Variants in OLAH observed in about 807,000 individuals in gnomAD.
The protein encoded by OLAH is oleoyl-ACP hydrolase.
A neutral mutation model predicts 27.8 loss-of-function variants in OLAH; 33 were observed. The observed-to-expected ratio is 1.19, with a 90% confidence interval of 0.90 to 1.59. The LOEUF is 1.59. Among genes scored for constraint, OLAH ranks in the 40% most tolerant of loss-of-function variants. The probability of loss-of-function intolerance (pLI) is 0.00; values close to 1 mark genes in which losing one functional copy is unlikely to be tolerated. For synonymous variants in OLAH, 120 were observed against 102.9 expected (o/e 1.17, Z -1.01); for missense variants, 359 against 310.8 (o/e 1.16, Z -1.17).
chr10:15,041,295 G>C (rs866509159), upstream of OLAH, among the ~76,000 whole-genome samples: 3 of 124,168 alleles, frequency 2.4e-5, no homozygotes, highest in Admixed American at 7.9e-5. Context: ...TATTTTTTTT[G>C]AGACAGAGTT....
Position 15,071,876 on chromosome 10 carries a change from A to G in OLAH, c.654A>G (p.Glu218=), listed in dbSNP as rs1380640934. 1 of 1,606,382 alleles carries G rather than the reference A, an allele frequency of 6.2e-7. No individual in the cohort carries two copies. The change falls in exon 7 of 8, where the codon GAA becomes GAG. Residue 218 remains glutamate, a splice_region_variant and synonymous_variant. Transcript: ENST00000378228. ...VGSEDIAKDM[E]AWKDVTSGNA... The stretch of plus-strand genomic sequence containing the variant: ...CTGAAGACATAGCAAAGGACATGGA[A>G]GGTGAAATTATTTTTAGTCTCGAGT...
intron 6 of OLAH, among the ~76,000 whole-genome samples, chr10:15,066,837 A>C (rs1844478825): frequency 6.6e-6 from 1 of 151,646 alleles, no homozygotes; most frequent in South Asian, 2.1e-4. Flanking sequence ...ACGGGTTTTC[A>C]CCTTGTTGGC....
At position 15,071,965 on chromosome 10, in the gene OLAH, G is replaced by A. The variant is rs544925773; in HGVS notation, c.655+88G>A. On this transcript the variant is annotated intron_variant, in intron 7 of 7. Transcript: ENST00000378228. ...TTTTTTTCTTTTGAGACAGAGTCTC[G>A]CCCTGTCACCCAGGCTGGAGTGCAA... 191 of 916,126 alleles carry A rather than the reference G, an allele frequency of 2.1e-4. 1 individual carries two copies. The African/African-American group carries it at 2.6e-3, about 13-fold the overall frequency. The allele number at this position is 916,126 out of a possible 1,614,324, so 56.7% of individuals were successfully genotyped here. A position where few individuals can be genotyped will look rare whatever the true frequency, so the allele number is the denominator to read the frequency against.
rs114832504 is a variant in OLAH at position 15,063,413 on chromosome 10, G to A, written c.303-990G>A. ...CTCAAAATGTTGGGATCACAGATAC[G>A]AGGCACTGCATCCAGCCTGTAGAAG... On this transcript the variant is annotated intron_variant, in intron 4 of 7. Transcript: ENST00000378228. Among the ~76,000 whole-genome samples, 643 of 152,266 alleles carry A rather than the reference G, an allele frequency of 4.2e-3. 5 individuals are homozygous for A. Among genetic ancestry groups the A allele is most frequent in the African/African-American group, 0.014 (584 of 41,546 alleles).
chr10:15,069,513 CT>C (rs1844538439), intron 6 of OLAH, among the ~76,000 whole-genome samples: 1 of 152,176 alleles, frequency 6.6e-6, no homozygotes, highest in East Asian at 1.9e-4. Flanking sequence ...GGAGGTGTCT[CT>C]CTAGCCTCTC....
intron 4 of OLAH, among the ~76,000 whole-genome samples, chr10:15,063,204 G>A (rs1201505535): frequency 6.6e-6 from 1 of 152,144 alleles, no homozygotes; most frequent in African/African-American, 2.4e-5. Flanking sequence ...ATGGCTCACT[G>A]CAACCTCTGT....
intron 6 of OLAH, among the ~76,000 whole-genome samples, chr10:15,069,993 C>G (rs974554701): frequency 6.6e-6 from 1 of 152,180 alleles, no homozygotes; most frequent in Non-Finnish European, 1.5e-5. Flanking sequence ...CAGCAGATAC[C>G]TCTTCCGCCT....
intron 4 of OLAH, among the ~76,000 whole-genome samples, chr10:15,063,873 T>C (rs1240426792): frequency 1.3e-5 from 2 of 152,370 alleles, no homozygotes; most frequent in East Asian, 3.9e-4. Flanking sequence ...ATCTGCTTAA[T>C]GTCTGACATA....
At chr10:15,066,707 C>A (rs182204825) in intron 6 of OLAH, among the ~76,000 whole-genome samples, 174 of 151,812 alleles carry the variant, frequency 1.1e-3, no homozygotes, top group Admixed American at 2.0e-3. Context: ...GTGGTGTGAT[C>A]TTGGCTCACT....
chr10:15,048,456 G>C (rs1198132406), intron 2 of OLAH, among the ~76,000 whole-genome samples: 1 of 152,192 alleles, frequency 6.6e-6, no homozygotes, highest in African/African-American at 2.4e-5. Context: ...CACCTCTAGT[G>C]ATCTGCCTCC....
intron 4 of OLAH, among the ~76,000 whole-genome samples, chr10:15,062,738 ATTC>A (rs1844392090): frequency 6.7e-6 from 1 of 149,218 alleles, no homozygotes; most frequent in East Asian, 1.9e-4. Flanking sequence ...TCCAGTGAAC[ATTC>A]TTTTTTTTTT....
intron 2 of OLAH, 126 bp downstream of exon 2, chr10:15,047,446 G>C (rs1452017216): frequency 1.1e-6 from 1 of 943,194 alleles, no homozygotes; most frequent in Non-Finnish European, 1.7e-6. Flanking sequence ...TGTAATCCCA[G>C]CACTTTGGGA....
chr10:15,051,815 A>G (rs1330473219), intron 3 of OLAH, among the ~76,000 whole-genome samples: 1 of 152,124 alleles, frequency 6.6e-6, no homozygotes, highest in East Asian at 1.9e-4. Flanking sequence ...GTCTTCTAGT[A>G]CAAGGATGGT....
upstream of OLAH, among the ~76,000 whole-genome samples, chr10:15,042,931 G>A (rs572367241): frequency 3.1e-5 from 4 of 127,160 alleles, no homozygotes; most frequent in African/African-American, 6.0e-5. Context: ...CGTGATCTCC[G>A]CTCACTGCAA....
At chr10:15,064,075 C>T in intron 4 of OLAH, among the ~76,000 whole-genome samples, 1 of 152,134 alleles carries the variant, frequency 6.6e-6, no homozygotes, top group East Asian at 1.9e-4. Flanking sequence ...TTCCAGGGGT[C>T]CCTAAACCGT....
At chr10:15,036,223 CGTG>C (rs767815060) in intron 1 of OLAH, among the ~76,000 whole-genome samples, 52 of 152,008 alleles carry the variant, frequency 3.4e-4, no homozygotes, top group Non-Finnish European at 6.5e-4. Context: ...TGGAGCCAGG[CGTG>C]GTGACTCATG....
intron 1 of OLAH, among the ~76,000 whole-genome samples, chr10:15,044,505 A>G (rs1417378272): frequency 6.6e-6 from 1 of 151,194 alleles, no homozygotes; most frequent in Non-Finnish European, 1.5e-5. Context: ...CCCAGGCTGG[A>G]GTACAATGGT....
At chr10:15,037,631 A>C (rs1248915018) in intron 1 of OLAH, among the ~76,000 whole-genome samples, 2 of 151,732 alleles carry the variant, frequency 1.3e-5, no homozygotes, top group Non-Finnish European at 2.9e-5. Flanking sequence ...TGGGCACATC[A>C]CATCAGAGGC....
intron 1 of OLAH, among the ~76,000 whole-genome samples, chr10:15,046,528 C>T (rs1164281878): frequency 2.6e-5 from 4 of 151,728 alleles, no homozygotes; most frequent in Non-Finnish European, 4.4e-5. Flanking sequence ...AGTGCAGTGG[C>T]GCGATCTCAG....
Sources: gnomAD v4.1 joint callset for allele counts (sites outside exome capture counted in the v4.1 genomes callset) on GRCh38, gnomAD v4.1.1 for gene constraint, MANE v1.5 for transcripts, NCBI Gene and HGNC (gene_info 2026-07-23, HGNC 2026-07-21) for gene names.